Variants in USP48 observed in about 807,000 individuals in gnomAD.
USP48 encodes the protein ubiquitin carboxyl-terminal hydrolase 48.
Under a neutral mutation model 150.7 loss-of-function variants are expected in USP48, and 43 were observed. The observed-to-expected ratio is 0.29, with a 90% confidence interval of 0.22 to 0.37. The LOEUF (loss-of-function observed/expected upper bound fraction) is 0.37, where lower values mean the gene tolerates loss of function less well. USP48 is among the 10% of genes least tolerant of loss of function. The pLI is 1.00. For missense variants in USP48, 813 were observed against 1,249.6 expected, an observed-to-expected ratio of 0.65 and a Z score of 5.27; for synonymous variants, 396 against 425.9, an observed-to-expected ratio of 0.93 and a Z score of 0.86.
intron 8 of USP48, among the ~76,000 whole-genome samples, chr1:21,739,954 C>T (rs2097777529): frequency 6.6e-6 from 1 of 152,222 alleles, no homozygotes; most frequent in East Asian, 1.9e-4. Flanking sequence ...TCTTGTTGCC[C>T]AGGCTGGAGC....
At chr1:21,702,371 G>A (rs907153531) in intron 21 of USP48, among the ~76,000 whole-genome samples, 8 of 151,740 alleles carry the variant, frequency 5.3e-5, no homozygotes, top group African/African-American at 1.9e-4. Flanking sequence ...AGAGATATGG[G>A]TCAGGATCTA....
At chr1:21,735,962 C>G (rs1334439244) in intron 9 of USP48, among the ~76,000 whole-genome samples, 1 of 151,800 alleles carries the variant, frequency 6.6e-6, no homozygotes, top group Non-Finnish European at 1.5e-5. Flanking sequence ...GTAATCCCAG[C>G]TACTCAGGAG....
intron 11 of USP48, among the ~76,000 whole-genome samples, chr1:21,726,187 A>C (rs1272152303): frequency 6.6e-6 from 1 of 152,080 alleles, no homozygotes; most frequent in African/African-American, 2.4e-5. Flanking sequence ...CTCACAATGA[A>C]AGGAATCTAG....
chr1:21,686,153 T>G (rs1306047343), intron 25 of USP48: 3 of 152,210 alleles, frequency 2.0e-5, no homozygotes, highest in African/African-American at 7.2e-5. Flanking sequence ...TGACTTCCTC[T>G]TTTCCAATTT....
intron 21 of USP48, among the ~76,000 whole-genome samples, chr1:21,703,225 GTAT>G (rs796362195): frequency 1.3e-5 from 2 of 152,278 alleles, no homozygotes; most frequent in South Asian, 4.1e-4. Context: ...TTGAGAGAAG[GTAT>G]TATACCTGCC....
intron 24 of USP48, among the ~76,000 whole-genome samples, chr1:21,689,580 G>A (rs1447392488): frequency 1.3e-5 from 2 of 152,154 alleles, no homozygotes; most frequent in African/African-American, 4.8e-5. Context: ...AGTTGGGTGA[G>A]TGGGATTTAT....
In USP48 at chr1:21,752,530, G is replaced by A. The variant is rs1329545620; in HGVS notation, c.662C>T (p.Thr221Ile). 1 of 1,608,532 alleles carries A rather than the reference G, an allele frequency of 6.2e-7. No individual in the cohort carries two copies. The highest frequency in any genetic ancestry group is 1.7e-5 in the Admixed American group (1 of 57,962). ...QQFCGEYAYV[T>I]VCNQCGRESK... Reference sequence around the variant, plus strand: ...GAAAAAGTTGAAACAGACTTACACAGTTACATAGGCATATTCTCCACAGAA... The same window carrying A: ...GAAAAAGTTGAAACAGACTTACACAATTACATAGGCATATTCTCCACAGAA... Residue 221 changes from threonine (T) to isoleucine (I), a missense_variant, in exon 5 of 27, where the codon ACT (threonine) becomes ATT (isoleucine). Transcript: ENST00000308271.
At chr1:21,757,889 A>G (rs2097840855) in intron 1 of USP48, 106 bp from the exon 2 acceptor site, 1 of 1,347,122 alleles carries the variant, frequency 7.4e-7, no homozygotes. Context: ...TAAATTAGCA[A>G]AACTGAGAAA....
In USP48 at chr1:21,729,732, T is replaced by C; in HGVS notation, c.1272A>G (p.Glu424=). 1 of 1,614,102 alleles carries C rather than the reference T, an allele frequency of 6.2e-7. No homozygotes were observed. The highest frequency in any genetic ancestry group is 8.5e-7 in the Non-Finnish European group (1 of 1,179,974). Residue 424 remains glutamate, a synonymous_variant, in exon 10 of 27, where the codon GAA becomes GAG. Coordinates refer to ENST00000308271, the MANE Select transcript of USP48 (RefSeq NM_032236.8). ...YMLVYRLQTQ[E]KPNTTVQVPA... is the part of the protein sequence containing the mutation. ...GAACTTGAACAGTAGTGTTGGGCTT[T>C]TCTTGAGTTTGCAGTCTATAAACCA...
intron 8 of USP48, among the ~76,000 whole-genome samples, chr1:21,740,376 A>G (rs1317550493): frequency 6.6e-6 from 1 of 152,254 alleles, no homozygotes; most frequent in African/African-American, 2.4e-5. Flanking sequence ...TTGGTTTAGA[A>G]GATTATCAAA....
At chr1:21,714,368 T>C (rs1466022598) in intron 15 of USP48, among the ~76,000 whole-genome samples, 1 of 152,060 alleles carries the variant, frequency 6.6e-6, no homozygotes. Context: ...CTCAAACTCC[T>C]GGGTCAAGTG....
At chr1:21,750,946 G>C (rs980560539) in intron 6 of USP48, among the ~76,000 whole-genome samples, 10 of 151,440 alleles carry the variant, frequency 6.6e-5, no homozygotes, top group African/African-American at 2.4e-4. Context: ...CCATGGATGA[G>C]CTGAGGAAGT....
chr1:21,757,044 C>T, intron 2 of USP48: 2 of 957,506 alleles, frequency 2.1e-6, no homozygotes, highest in Non-Finnish European at 2.5e-6. Context: ...TATTTCTAAA[C>T]TGCCAGCATT....
intron 12 of USP48, among the ~76,000 whole-genome samples, 154 bp from the exon 13 acceptor site, chr1:21,721,918 T>C (rs1464559773): frequency 1.3e-5 from 2 of 152,190 alleles, no homozygotes; most frequent in African/African-American, 2.4e-5. Flanking sequence ...TAAATTATTT[T>C]ACTAAGACAA....
chr1:21,732,465 G>A (rs928258606), intron 9 of USP48, among the ~76,000 whole-genome samples: 1 of 152,042 alleles, frequency 6.6e-6, no homozygotes, highest in Non-Finnish European at 1.5e-5. Flanking sequence ...GCCAGTGACA[G>A]AAAAAGGTCT....
intron 15 of USP48, among the ~76,000 whole-genome samples, chr1:21,713,229 C>A (rs982638367): frequency 5.3e-5 from 8 of 152,076 alleles, no homozygotes; most frequent in Non-Finnish European, 1.2e-4. Flanking sequence ...TGTAGCCTTT[C>A]ATGTAGCTGG....
At chr1:21,777,943 T>C (rs560179199) in intron 1 of USP48, among the ~76,000 whole-genome samples, 16 of 137,624 alleles carry the variant, frequency 1.2e-4, no homozygotes, top group Admixed American at 2.3e-4. Flanking sequence ...CTGGCCAGCA[T>C]AGTGAAACCC....
chr1:21,715,995 G>C (rs1351399352), intron 14 of USP48, among the ~76,000 whole-genome samples: 4 of 152,176 alleles, frequency 2.6e-5, no homozygotes, highest in Admixed American at 2.6e-4. Context: ...TTCTGTTCAT[G>C]TCTTCCACCC....
At chr1:21,688,412 G>C (rs2097585450) in intron 24 of USP48, among the ~76,000 whole-genome samples, 1 of 151,668 alleles carries the variant, frequency 6.6e-6, no homozygotes, top group African/African-American at 2.4e-5. Context: ...GTAGAGATGG[G>C]GTTTCACCAT....
Sources: gnomAD v4.1 joint callset for allele counts (sites outside exome capture counted in the v4.1 genomes callset) on GRCh38, gnomAD v4.1.1 for gene constraint, MANE v1.5 for transcripts, NCBI Gene and HGNC (gene_info 2026-07-23, HGNC 2026-07-21) for gene names.